Variants in PCDHA1 observed in about 807,000 individuals in gnomAD.
PCDHA1 encodes the protein protocadherin alpha 1.
A neutral mutation model predicts 61.3 loss-of-function variants in PCDHA1; 42 were observed. The observed-to-expected ratio is 0.69, with a 90% CI of 0.54 to 0.89. The LOEUF is 0.89. PCDHA1 is among the 40% of genes least tolerant of loss of function. The pLI is 0.00. For missense variants in PCDHA1, 1,256 were observed against 1,235.3 expected (o/e 1.02, Z -0.25); for synonymous variants, 610 against 553.8 (o/e 1.10, Z -1.43).
At position 140,788,458 on chromosome 5, in the gene PCDHA1, G is replaced by A. The variant is rs368838533; in HGVS notation, c.2168G>A (p.Cys723Tyr). 6 of 1,613,990 alleles carry A rather than the reference G, an allele frequency of 3.7e-6. No individual in the cohort carries two copies. The highest frequency in any genetic ancestry group is 5.1e-6 in the Non-Finnish European group (6 of 1,179,996). Residue 723 changes from cysteine (C) to tyrosine (Y), a missense_variant, in exon 1 of 4, where the codon TGC becomes TAC. Physicochemically the swap from Cys to Tyr is radical, Grantham distance 194. Coordinates refer to ENST00000504120, the MANE Select transcript of PCDHA1 (RefSeq NM_018900.4). ...CTGCTGCTGTACACGGCGCTGCGGT[G>A]CTCAGTGCCGCCCACTGAGGGTGCG... Reference protein sequence around the residue: ...LTLLLYTALRCSVPPTEGAYV... With the variant: ...LTLLLYTALRYSVPPTEGAYV...
At chr5:140,836,151 G>T (rs2150254234) in intron 1 of PCDHA1, 3 of 1,613,828 alleles carry the variant, frequency 1.9e-6, no homozygotes, top group Middle Eastern at 3.3e-4. Context: ...CGCGGGCCAT[G>T]TGGTGGCGAA....
At chr5:140,925,124 A>AGGAAGG (rs1554202565) in intron 1 of PCDHA1, among the ~76,000 whole-genome samples, 1 of 151,852 alleles carries the variant, frequency 6.6e-6, no homozygotes, top group South Asian at 2.1e-4. Context: ...GAAGGAAGGA[A>AGGAAGG]AAAAAATTTC....
intron 1 of PCDHA1, among the ~76,000 whole-genome samples, chr5:140,838,073 ATATAGTGTGTGTGT>A (rs1473657984): frequency 0.018 from 2,264 of 126,808 alleles, 40 homozygotes; most frequent in Admixed American, 0.045. Context: ...AGTTATATAT[ATATAGTGTGTGTGT>A]GTGTGTGTGT....
At chr5:140,840,154 A>G (rs1212681369) in intron 1 of PCDHA1, among the ~76,000 whole-genome samples, 1 of 152,048 alleles carries the variant, frequency 6.6e-6, no homozygotes, top group Admixed American at 6.6e-5. Flanking sequence ...ACGTGAAAGG[A>G]GAGATGGGAT....
At chr5:140,853,588 A>G in intron 1 of PCDHA1, 1 of 986,058 alleles carries the variant, frequency 1.0e-6, no homozygotes, top group Non-Finnish European at 1.2e-6. Context: ...TATCTTAGAC[A>G]CTTTGAGAGC....
intron 1 of PCDHA1, chr5:140,795,323 A>C (rs782451559): frequency 8.1e-6 from 13 of 1,614,190 alleles, no homozygotes; most frequent in Non-Finnish European, 1.1e-5. Context: ...TTCCATGTGG[A>C]AGTGGAGGTG....
At chr5:140,796,687 G>A (rs1554120045) in intron 1 of PCDHA1, 1 of 1,613,948 alleles carries the variant, frequency 6.2e-7, no homozygotes, top group East Asian at 2.2e-5. Flanking sequence ...CACCGCTGCT[G>A]GCGCAGTGAG....
chr5:140,859,547 A>G (rs1185528654), intron 1 of PCDHA1: 1 of 181,734 alleles, frequency 5.5e-6, no homozygotes, highest in Non-Finnish European at 1.1e-5. Flanking sequence ...TTCTAGTGTT[A>G]CCAAACACCA....
intron 1 of PCDHA1, among the ~76,000 whole-genome samples, chr5:140,885,773 G>T (rs1419137937): frequency 6.6e-6 from 1 of 152,016 alleles, no homozygotes; most frequent in African/African-American, 2.4e-5. Flanking sequence ...TATAGTATTA[G>T]TGAATTTGAG....
intron 1 of PCDHA1, chr5:140,966,748 T>G: frequency 1.4e-6 from 2 of 1,426,956 alleles, no homozygotes; most frequent in Non-Finnish European, 1.8e-6. Flanking sequence ...CCCGGCTGCC[T>G]CCGCCGCGGC....
chr5:140,876,541 C>T, intron 1 of PCDHA1: 1 of 1,614,188 alleles, frequency 6.2e-7, no homozygotes, highest in Non-Finnish European at 8.5e-7. Context: ...TTCACTGTCG[C>T]TCCCTGTGCA....
At chr5:140,900,206 C>A (rs1286660558) in intron 1 of PCDHA1, among the ~76,000 whole-genome samples, 1 of 152,172 alleles carries the variant, frequency 6.6e-6, no homozygotes, top group Non-Finnish European at 1.5e-5. Flanking sequence ...CCAGTTTCAT[C>A]CAGGTTGTTG....
intron 1 of PCDHA1, chr5:140,868,693 T>C (rs1284176343): frequency 5.7e-6 from 1 of 176,810 alleles, no homozygotes; most frequent in African/African-American, 2.4e-5. Flanking sequence ...TAATGTTAAG[T>C]CAAACATAGA....
chr5:140,836,216 G>C lies in PCDHA1; in HGVS notation c.2394+47532G>C, dbSNP rs1311247537. On this transcript the variant is annotated intron_variant, in intron 1 of 3. Coordinates refer to ENST00000504120, the MANE Select transcript of PCDHA1 (RefSeq NM_018900.4). The stretch of plus-strand genomic sequence containing the variant: ...ACAACGCGTGGCTTTCGTATGAGTT[G>C]CAACCGGTGGCGGCCGGTGCGAGCA... The C allele has an allele frequency of 1.2e-6, 2 of 1,613,724 alleles. No individual in the cohort carries two copies. Among genetic ancestry groups the C allele is most frequent in the East Asian group, 4.5e-5 (2 of 44,868 alleles).
intron 1 of PCDHA1, among the ~76,000 whole-genome samples, chr5:140,833,392 A>G (rs1162626045): frequency 6.6e-6 from 1 of 152,232 alleles, no homozygotes; most frequent in Admixed American, 6.5e-5. Context: ...GAAATACCTC[A>G]AGACTTGATC....
rs183812467 is a variant in PCDHA1, at chr5:140,921,187, A to G, written c.2395-57762A>G. Among the ~76,000 whole-genome samples the G allele has an allele frequency of 1.1e-3, 174 of 152,102 alleles. 2 individuals carry two copies. Among genetic ancestry groups the G allele is most frequent in the Non-Finnish European group, 2.1e-4 (14 of 68,012 alleles). ...AACACACATAAAGCACAGTTTTTTC[A>G]CAATAGATTGACAACGATAATTCAC... On this transcript the variant is annotated intron_variant, in intron 1 of 3. Transcript: ENST00000504120.
rs146722772 is a variant in PCDHA1, at chr5:140,848,558, C to T, written c.2394+59874C>T. ...CTCTACTGCTCTCGCTTCTGATCCTCGCAATGTGGGTGGTGGGGAGCGGCC... is the reference window on the plus strand; with the variant it reads ...CTCTACTGCTCTCGCTTCTGATCCTTGCAATGTGGGTGGTGGGGAGCGGCC... On this transcript the variant is annotated intron_variant, in intron 1 of 3. Coordinates refer to ENST00000504120, the MANE Select transcript of PCDHA1 (RefSeq NM_018900.4). 8.8e-6 allele frequency: 14 copies of T among 1,595,498 alleles called. 1 individual carries two copies. In the African/African-American group the frequency reaches 1.6e-4, roughly 18 times the overall value.
intron 1 of PCDHA1, chr5:140,853,856 G>T: frequency 1.0e-6 from 1 of 985,598 alleles, no homozygotes; most frequent in South Asian, 4.7e-5. Context: ...AGCCCTATTT[G>T]ATACTTGACA....
intron 1 of PCDHA1, among the ~76,000 whole-genome samples, chr5:140,912,045 C>T (rs1276989293): frequency 2.0e-5 from 3 of 152,196 alleles, no homozygotes; most frequent in African/African-American, 4.8e-5. Flanking sequence ...AGTCCCAAAG[C>T]TGAAGAACTT....
Sources: gnomAD v4.1 joint callset for allele counts (sites outside exome capture counted in the v4.1 genomes callset) on GRCh38, gnomAD v4.1.1 for gene constraint, MANE v1.5 for transcripts, NCBI Gene and HGNC (gene_info 2026-07-23, HGNC 2026-07-21) for gene names.